The following MORC1 variants were observed in gnomAD, a reference collection of about 807,000 sequenced individuals.
The protein encoded by MORC1 is MORC family CW-type zinc finger protein 1.
Under a neutral mutation model 134.9 loss-of-function variants are expected in MORC1, and 59 were observed. The observed-to-expected ratio is 0.44, with a 90% CI of 0.35 to 0.54. The LOEUF (loss-of-function observed/expected upper bound fraction) is 0.54, where lower values mean the gene tolerates loss of function less well. Among genes scored for constraint, MORC1 ranks in the 20% least tolerant of loss-of-function variants. The pLI, the probability that MORC1 is intolerant of heterozygous loss-of-function variation, is 0.00. For missense variants in MORC1, 947 were observed against 1,134.5 expected (o/e 0.83, Z 2.37); for synonymous variants, 395 against 391.7 (o/e 1.01, Z -0.10).
intron 8 of MORC1, among the ~76,000 whole-genome samples, chr3:109,089,937 C>T (rs1431196351): frequency 6.6e-6 from 1 of 152,066 alleles, no homozygotes; most frequent in Non-Finnish European, 1.5e-5. Context: ...ATAATTTTTA[C>T]CCTGCAAATT....
At chr3:108,997,817 T>C (rs1948278183) in intron 21 of MORC1, among the ~76,000 whole-genome samples, 1 of 152,134 alleles carries the variant, frequency 6.6e-6, no homozygotes, top group African/African-American at 2.4e-5. Flanking sequence ...GAGTGAGATG[T>C]TGCCTGAAAC....
chr3:109,110,268 T>C lies in MORC1; in HGVS notation c.154+481A>G, dbSNP rs150031902. On this transcript the variant is annotated intron_variant, in intron 3 of 27. Coordinates refer to ENST00000232603, the MANE Select transcript of MORC1 (RefSeq NM_014429.4). ...ATCACAGAACCTAACTTCATTAGCA[T>C]CATAGTCTAATGAGATAACTAGTGA... The C allele has an allele frequency of 7.6e-3, 1,160 of 153,636 alleles. 7 individuals are homozygous for C. Among genetic ancestry groups the C allele is most frequent in the Non-Finnish European group, 0.011 (763 of 69,002 alleles). The allele number at this position is 153,636 out of a possible 1,614,324, so 9.5% of individuals were successfully genotyped here. A position where few individuals can be genotyped will look rare whatever the true frequency, so the allele number is the denominator to read the frequency against.
intron 21 of MORC1, among the ~76,000 whole-genome samples, chr3:108,990,898 T>TCTCTCTCTCTCTCTCTCTCTCTCTCTC (rs1559876202): frequency 2.1e-5 from 3 of 145,664 alleles, no homozygotes; most frequent in African/African-American, 7.6e-5. Flanking sequence ...GTTTCTCTCT[T>TCTCTCTCTCTCTCTCTCTCTCTCTCTC]TCTCTCTCTC....
intron 21 of MORC1, among the ~76,000 whole-genome samples, chr3:108,988,007 G>C (rs1025532403): frequency 2.0e-5 from 3 of 152,092 alleles, no homozygotes; most frequent in Admixed American, 2.0e-4. Flanking sequence ...GTAAGATAGG[G>C]AGCTGTCAGG....
intron 1 of MORC1, among the ~76,000 whole-genome samples, chr3:109,115,610 T>C (rs533298585): frequency 1.3e-5 from 2 of 152,340 alleles, no homozygotes; most frequent in African/African-American, 4.8e-5. Flanking sequence ...TTAAAGTACA[T>C]GATTCAATAT....
At chr3:109,039,558 T>C (rs377036772) in intron 14 of MORC1, among the ~76,000 whole-genome samples, 11 of 152,200 alleles carry the variant, frequency 7.2e-5, no homozygotes, top group African/African-American at 1.4e-4. Flanking sequence ...TGGAGTCTAC[T>C]GAAGGCTTAC....
chr3:108,964,294 G>T (rs1251722948), intron 26 of MORC1, among the ~76,000 whole-genome samples: 1 of 152,160 alleles, frequency 6.6e-6, no homozygotes, highest in African/African-American at 2.4e-5. Context: ...GACATTAATT[G>T]CTTGTATAAA....
chr3:108,974,564 T>G (rs2715740), intron 24 of MORC1, among the ~76,000 whole-genome samples: 1 of 151,898 alleles, frequency 6.6e-6, no homozygotes, highest in Admixed American at 6.6e-5. Flanking sequence ...CACAAAATTA[T>G]AGGAATAAAC....
intron 3 of MORC1, among the ~76,000 whole-genome samples, chr3:109,104,981 C>T (rs368966598): frequency 1.8e-4 from 28 of 152,222 alleles, no homozygotes; most frequent in African/African-American, 6.3e-4. Flanking sequence ...TCCTTAGGAC[C>T]CTTCCACGTC....
intron 17 of MORC1, among the ~76,000 whole-genome samples, chr3:109,026,287 T>A (rs1188582536): frequency 6.6e-6 from 1 of 152,198 alleles, no homozygotes; most frequent in Non-Finnish European, 1.5e-5. Context: ...AATTTCTATA[T>A]AAGTACTGCT....
chr3:109,027,618 T>G, intron 17 of MORC1, 133 bp downstream of exon 17: 1 of 1,242,728 alleles, frequency 8.0e-7, no homozygotes, highest in Non-Finnish European at 1.1e-6. Flanking sequence ...GATCCAAAAT[T>G]AAAAGATGTC....
chr3:109,113,882 G>C (rs530749829), intron 2 of MORC1, among the ~76,000 whole-genome samples: 1 of 152,270 alleles, frequency 6.6e-6, no homozygotes, highest in East Asian at 1.9e-4. Flanking sequence ...ATCTCTCTAT[G>C]CATCAATTTC....
chr3:109,097,879 T>A (rs1950856416), intron 6 of MORC1, among the ~76,000 whole-genome samples: 1 of 152,102 alleles, frequency 6.6e-6, no homozygotes, highest in South Asian at 2.1e-4. Context: ...ATAGCTAAAA[T>A]TACAATAAAG....
intron 13 of MORC1, 51 bp from the exon 14 acceptor site, chr3:109,054,933 A>T (rs1406851874): frequency 1.3e-6 from 2 of 1,494,586 alleles, no homozygotes; most frequent in Non-Finnish European, 9.1e-7. Context: ...TAAAGAAAAA[A>T]ATCAAATATA....
chr3:109,030,532 A>C (rs1413494949), intron 16 of MORC1, among the ~76,000 whole-genome samples: 1 of 152,210 alleles, frequency 6.6e-6, no homozygotes, highest in Non-Finnish European at 1.5e-5. Flanking sequence ...TGCCACTTTA[A>C]GCATATTTTT....
intron 17 of MORC1, among the ~76,000 whole-genome samples, chr3:109,026,457 C>T (rs936674424): frequency 6.6e-6 from 1 of 152,142 alleles, no homozygotes; most frequent in East Asian, 1.9e-4. Context: ...ATGATGAACA[C>T]AACATCCAAT....
At chr3:109,027,031 T>C (rs886224227) in intron 17 of MORC1, among the ~76,000 whole-genome samples, 1 of 152,188 alleles carries the variant, frequency 6.6e-6, no homozygotes, top group Admixed American at 6.5e-5. Context: ...CACTTCATCA[T>C]TGAATTTTCT....
intron 14 of MORC1, among the ~76,000 whole-genome samples, chr3:109,046,091 C>T (rs1468100724): frequency 1.3e-5 from 2 of 152,308 alleles, no homozygotes; most frequent in African/African-American, 4.8e-5. Flanking sequence ...AACTACATCT[C>T]TATACATATA....
At chr3:109,019,469 T>C (rs1459651927) in intron 17 of MORC1, among the ~76,000 whole-genome samples, 1 of 149,906 alleles carries the variant, frequency 6.7e-6, no homozygotes, top group Non-Finnish European at 1.5e-5. Flanking sequence ...GCAGAGTCGT[T>C]TGAACAGCTT....
Sources: gnomAD v4.1 joint callset for allele counts (sites outside exome capture counted in the v4.1 genomes callset) on GRCh38, gnomAD v4.1.1 for gene constraint, MANE v1.5 for transcripts, NCBI Gene and HGNC (gene_info 2026-07-23, HGNC 2026-07-21) for gene names.